Variants in COL25A1 observed in about 807,000 individuals in gnomAD.
The protein encoded by COL25A1 is collagen type XXV alpha 1 chain.
In COL25A1, 103 loss-of-function variants were observed where a neutral mutation model predicts 128.4. The ratio of observed to expected loss-of-function variants is 0.80; its 90% CI spans 0.68 to 0.94. The LOEUF is 0.94. COL25A1 is among the 40% of genes least tolerant of loss of function. The pLI, the probability that COL25A1 is intolerant of heterozygous loss-of-function variation, is 0.00. For missense variants in COL25A1, 745 were observed against 840.0 expected, an observed-to-expected ratio of 0.89 and a Z score of 1.40; for synonymous variants, 279 against 277.2, an observed-to-expected ratio of 1.01 and a Z score of -0.06.
chr4:109,025,244 G>A (rs1758144196), intron 5 of COL25A1, among the ~76,000 whole-genome samples: 1 of 152,140 alleles, frequency 6.6e-6, no homozygotes, highest in African/African-American at 2.4e-5. Context: ...AAACATATAT[G>A]AAGTACCTCT....
chr4:109,026,412 T>A (rs1758293531), intron 5 of COL25A1, among the ~76,000 whole-genome samples: 1 of 152,142 alleles, frequency 6.6e-6, no homozygotes, highest in Non-Finnish European at 1.5e-5. Flanking sequence ...GTATTGTAAT[T>A]GATTAAGCAG....
In COL25A1 at chr4:108,884,164, C is replaced by T. The variant is rs187162153; in HGVS notation, c.1020+14G>A. On this transcript the variant is annotated intron_variant, in intron 19 of 37. Coordinates refer to ENST00000399132, the MANE Select transcript of COL25A1 (RefSeq NM_198721.4). Reference sequence around the variant, plus strand: ...ACAGTTCTGTGAAGCCGAGACTGTCCGTGCAGTATTTACCTTTATCCCCGG... The same window carrying T: ...ACAGTTCTGTGAAGCCGAGACTGTCTGTGCAGTATTTACCTTTATCCCCGG... The T allele has an allele frequency of 1.4e-5, 22 of 1,613,018 alleles. No individual in the cohort carries two copies. The highest frequency in any genetic ancestry group is 6.7e-5 in the East Asian group (3 of 44,860).
chr4:109,071,157 T>C (rs1762937259), intron 3 of COL25A1, among the ~76,000 whole-genome samples: 1 of 152,050 alleles, frequency 6.6e-6, no homozygotes, highest in Non-Finnish European at 1.5e-5. Flanking sequence ...TCTACAACCA[T>C]CTGATCTTTG....
chr4:109,285,929 A>G (rs1362525499), intron 3 of COL25A1, among the ~76,000 whole-genome samples: 1 of 152,162 alleles, frequency 6.6e-6, no homozygotes, highest in Non-Finnish European at 1.5e-5. Flanking sequence ...AGCATACCAC[A>G]TCAGTAATAT....
At chr4:109,027,507 G>A (rs13152521) in intron 5 of COL25A1, among the ~76,000 whole-genome samples, 2 of 152,090 alleles carry the variant, frequency 1.3e-5, no homozygotes, top group Non-Finnish European at 2.9e-5. Flanking sequence ...AAGCCATGGC[G>A]AGGAGGTTCT....
chr4:108,850,539 C>T (rs901419553), intron 26 of COL25A1, among the ~76,000 whole-genome samples: 2 of 152,038 alleles, frequency 1.3e-5, no homozygotes, highest in African/African-American at 2.4e-5. Flanking sequence ...ATGACTCAAC[C>T]CTCCTCCATA....
intron 3 of COL25A1, among the ~76,000 whole-genome samples, chr4:109,143,736 C>T (rs1306183579): frequency 2.0e-5 from 3 of 152,158 alleles, no homozygotes; most frequent in African/African-American, 7.2e-5. Context: ...AGTTCTTGTG[C>T]TGTGTTTTTC....
At chr4:109,249,294 T>C (rs1033875069) in intron 3 of COL25A1, among the ~76,000 whole-genome samples, 1 of 152,302 alleles carries the variant, frequency 6.6e-6, no homozygotes, top group South Asian at 2.1e-4. Flanking sequence ...TATAAGTAAC[T>C]TGAAGCCAAG....
chr4:109,157,153 C>G (rs552506081), intron 3 of COL25A1, among the ~76,000 whole-genome samples: 4 of 152,142 alleles, frequency 2.6e-5, no homozygotes, highest in African/African-American at 9.6e-5. Flanking sequence ...AGCACAGTGA[C>G]TGAAGGAAGA....
chr4:109,172,530 G>A (rs1773690316), intron 3 of COL25A1, among the ~76,000 whole-genome samples: 1 of 151,878 alleles, frequency 6.6e-6, no homozygotes. Flanking sequence ...TGTCCTGCCT[G>A]TAGGACGATA....
intron 5 of COL25A1, chr4:109,022,179 G>T (rs1323067758): frequency 2.2e-6 from 1 of 453,486 alleles, no homozygotes; most frequent in East Asian, 7.0e-5. Context: ...GCCGATATGT[G>T]ATGTTGCCCC....
intron 8 of COL25A1, among the ~76,000 whole-genome samples, chr4:108,968,931 C>T (rs1751617128): frequency 6.6e-6 from 1 of 152,110 alleles, no homozygotes; most frequent in African/African-American, 2.4e-5. Flanking sequence ...CCCCTACATC[C>T]AACTGGCTTC....
intron 15 of COL25A1, among the ~76,000 whole-genome samples, chr4:108,898,773 C>T (rs777317450): frequency 2.0e-5 from 3 of 152,018 alleles, no homozygotes; most frequent in African/African-American, 4.8e-5. Context: ...TTTTGAAACC[C>T]GTTTAAAAGC....
chr4:109,101,821 C>G (rs1350382087), intron 3 of COL25A1, among the ~76,000 whole-genome samples: 1 of 152,122 alleles, frequency 6.6e-6, no homozygotes, highest in African/African-American at 2.4e-5. Flanking sequence ...TTCTCTTGGG[C>G]CCCCCTTTCA....
At chr4:109,257,453 T>C (rs1362547999) in intron 3 of COL25A1, among the ~76,000 whole-genome samples, 2 of 152,216 alleles carry the variant, frequency 1.3e-5, no homozygotes, top group African/African-American at 4.8e-5. Flanking sequence ...ACTACTTCTC[T>C]TAAGGTAGGC....
chr4:108,896,889 A>T (rs1410380562), intron 15 of COL25A1, among the ~76,000 whole-genome samples, 178 bp from the exon 16 acceptor site: 2 of 152,244 alleles, frequency 1.3e-5, no homozygotes, highest in African/African-American at 2.4e-5. Context: ...AAGAAATTTT[A>T]CTACAACTAA....
intron 19 of COL25A1, among the ~76,000 whole-genome samples, chr4:108,870,275 A>T (rs1380395388): frequency 6.6e-6 from 1 of 152,142 alleles, no homozygotes; most frequent in East Asian, 1.9e-4. Context: ...AAACAAAAAG[A>T]CATACTAAAA....
intron 3 of COL25A1, among the ~76,000 whole-genome samples, chr4:109,056,840 T>C (rs909323509): frequency 3.3e-5 from 5 of 152,208 alleles, no homozygotes; most frequent in Non-Finnish European, 5.9e-5. Flanking sequence ...AGGATAGTTT[T>C]TTGTCTGACA....
At chr4:108,967,957 T>C (rs915361367) in intron 8 of COL25A1, among the ~76,000 whole-genome samples, 2 of 152,168 alleles carry the variant, frequency 1.3e-5, no homozygotes, top group Non-Finnish European at 2.9e-5. Flanking sequence ...GGATACTCTA[T>C]GCGTGGTGAC....
Sources: allele counts gnomAD v4.1 joint callset (sites outside exome capture counted in the v4.1 genomes callset), GRCh38; gene constraint gnomAD v4.1.1; transcripts MANE v1.5; gene names NCBI Gene and HGNC (gene_info 2026-07-23, HGNC 2026-07-21).